The following DNAH5 variants were observed in gnomAD, a reference collection of about 807,000 sequenced individuals.
DNAH5 encodes the protein axonemal beta dynein heavy chain 5.
A neutral mutation model predicts 518.2 loss-of-function variants in DNAH5; 372 were observed. The ratio of observed to expected loss-of-function variants is 0.72; its 90% CI spans 0.66 to 0.78. DNAH5 has a LOEUF of 0.78. Among genes scored for constraint, DNAH5 ranks in the 30% least tolerant of loss-of-function variants. DNAH5 has a pLI of 0.00. For synonymous variants in DNAH5, 2,039 were observed against 2,025.9 expected (o/e 1.01, Z -0.17); for missense variants, 5,523 against 5,687.0 (o/e 0.97, Z 0.93).
intron 41 of DNAH5, 51 bp from the exon 42 acceptor site, chr5:13,817,745 T>C (rs758106076): frequency 1.9e-6 from 3 of 1,581,980 alleles, no homozygotes; most frequent in Admixed American, 1.7e-5. Context: ...AAGTGAACCA[T>C]CATTAAGCAA....
At chr5:13,925,592 A>G (rs1485267180) in intron 3 of DNAH5, among the ~76,000 whole-genome samples, 2 of 152,148 alleles carry the variant, frequency 1.3e-5, no homozygotes, top group Non-Finnish European at 2.9e-5. Flanking sequence ...AAGAGAGGAT[A>G]AGACCCAAGG....
At chr5:13,984,491 T>C (rs1170094829) in intron 1 of DNAH5, among the ~76,000 whole-genome samples, 2 of 152,196 alleles carry the variant, frequency 1.3e-5, no homozygotes, top group African/African-American at 4.8e-5. Context: ...CAATTTGACT[T>C]CCTCTTTTCT....
chr5:13,790,751 T>A (rs1396257782), intron 50 of DNAH5, among the ~76,000 whole-genome samples: 2 of 152,186 alleles, frequency 1.3e-5, no homozygotes, highest in Non-Finnish European at 2.9e-5. Flanking sequence ...CATGCTGAAC[T>A]GTGAGTCAAT....
At position 14,005,625 on chromosome 5, in the gene DNAH5, C is replaced by T. The variant is rs2152087132; in HGVS notation, c.12+6023G>A. Among the ~76,000 whole-genome samples the T allele has an allele frequency of 4.6e-5, 7 of 152,294 alleles. 2 individuals are homozygous for T. The highest frequency in any genetic ancestry group is 4.6e-4 in the Admixed American group (7 of 15,294). ...CCTGAATGTGTTCCTTTTAAGTCAT[C>T]GTTGCACAATCGATAAGTTTTGGTA... On this transcript the variant is annotated intron_variant, in intron 1 of 78. Transcript: ENST00000681290.
chr5:13,986,625 C>T (rs1269420027), intron 1 of DNAH5, among the ~76,000 whole-genome samples: 2 of 152,048 alleles, frequency 1.3e-5, no homozygotes, highest in Non-Finnish European at 1.5e-5. Context: ...GAGATGAGAG[C>T]CCTAGGTTAC....
chr5:13,766,204 C>A lies in DNAH5; in HGVS notation c.9898-25G>T, dbSNP rs764004764. 4 of 1,613,048 alleles carry A rather than the reference C, an allele frequency of 2.5e-6. No homozygotes were observed. The South Asian group carries it at 4.4e-5, about 18-fold the overall frequency. On this transcript the variant is annotated intron_variant, in intron 58 of 78. Coordinates refer to ENST00000265104, the MANE Select transcript of DNAH5 (RefSeq NM_001369.3). ...TCTGGGGGATGAAAGGAACGATCAC[C>A]CAACCACAGATAGGAAAGCACAGAC...
At position 13,809,048 on chromosome 5, in the gene DNAH5, C is replaced by A. The variant is rs2127006063; in HGVS notation, c.7748G>T (p.Gly2583Val). The part of the protein sequence containing the change: ...DFLIQTIAKQ[G>V]KAVLLIGEQG... The stretch of plus-strand genomic sequence containing the variant: ...AATAAAAATTAAAAGTCATACCTTG[C>A]CCTGTTTAGCAATGGTTTGAATTAG... The change falls in exon 46 of 79, where the codon GGC (glycine) becomes GTC (valine). Residue 2583 changes from glycine (G) to valine (V), a missense_variant. By Grantham distance (109) the Gly-to-Val change is moderately radical. This residue lies in a region of DNAH5 where 5,121 missense variants were observed against 5,223.3 expected (regional missense o/e 0.98). Transcript: ENST00000265104. 1.2e-6 allele frequency: 2 copies of A among 1,614,136 alleles called. No individual in the cohort carries two copies. Among genetic ancestry groups the A allele is most frequent in the East Asian group, 2.2e-5 (1 of 44,880 alleles).
intron 78 of DNAH5, 90 bp downstream of exon 78, chr5:13,700,550 T>C: frequency 7.8e-7 from 1 of 1,288,980 alleles, no homozygotes; most frequent in Non-Finnish European, 1.1e-6. Flanking sequence ...AAATCTCTAC[T>C]ACATGATAAC....
intron 53 of DNAH5, among the ~76,000 whole-genome samples, chr5:13,778,109 T>C (rs2126818226): frequency 6.6e-6 from 1 of 152,274 alleles, no homozygotes; most frequent in East Asian, 1.9e-4. Flanking sequence ...AACTCAGAAT[T>C]CAGGGTGCAA....
chr5:13,997,741 C>A (rs1471527177), intron 1 of DNAH5, among the ~76,000 whole-genome samples: 1 of 152,180 alleles, frequency 6.6e-6, no homozygotes, highest in African/African-American at 2.4e-5. Flanking sequence ...TACAGCAGCA[C>A]CCCACTTCTG....
rs6868111 is a variant in DNAH5, at chr5:13,994,051, C to T, written c.12+17597G>A. Among the ~76,000 whole-genome samples, 359 of 152,158 alleles carry T rather than the reference C, an allele frequency of 2.4e-3. 14 individuals carry two copies. The South Asian group carries it at 0.066, about 28-fold the overall frequency. The stretch of plus-strand genomic sequence containing the variant: ...ATGCCTGCTGTCAGGCCGTCCTCTG[C>T]TCACCTCTGACCCGGGGGATCTTCC... On this transcript the variant is annotated intron_variant, in intron 1 of 78. Coordinates refer to the DNAH5 transcript ENST00000681290.
At position 13,913,929 on chromosome 5, in the gene DNAH5, T is replaced by C. The variant is rs1303164666; in HGVS notation, c.1350A>G (p.Lys450=). 2 of 1,613,266 alleles carry C rather than the reference T, an allele frequency of 1.2e-6. No homozygotes were observed. Residue 450 remains lysine, a synonymous_variant, in exon 11 of 79, where the codon AAA becomes AAG. Coordinates refer to ENST00000265104, the MANE Select transcript of DNAH5 (RefSeq NM_001369.3). The part of the protein sequence containing the change: ...QEYQLCFHKT[K]QKLKQNPNAK... Reference sequence around the variant, plus strand: ...CATTTGGATTTTGTTTAAGCTTTTGTTTTGTCTTGTGAAAGCAGAGCTGGT... The same window carrying C: ...CATTTGGATTTTGTTTAAGCTTTTGCTTTGTCTTGTGAAAGCAGAGCTGGT...
At chr5:13,729,137 A>C (rs536078964) in intron 69 of DNAH5, among the ~76,000 whole-genome samples, 16 of 152,344 alleles carry the variant, frequency 1.1e-4, no homozygotes, top group African/African-American at 2.6e-4. Context: ...CTAATTATTT[A>C]ATCTAATTGG....
chr5:13,859,331 C>CA, intron 30 of DNAH5, 121 bp downstream of exon 30: 2 of 1,091,280 alleles, frequency 1.8e-6, no homozygotes, highest in Non-Finnish European at 2.8e-6. Flanking sequence ...ACAGTGACAA[C>CA]AAAAAGATTG....
intron 1 of DNAH5, among the ~76,000 whole-genome samples, chr5:13,975,916 A>G (rs144374940): frequency 9.8e-5 from 15 of 152,332 alleles, no homozygotes; most frequent in African/African-American, 2.4e-4. Context: ...CATGCCTGTA[A>G]TCCCAGCACT....
At chr5:13,957,758 A>T (rs962086927) in intron 1 of DNAH5, among the ~76,000 whole-genome samples, 3 of 151,694 alleles carry the variant, frequency 2.0e-5, no homozygotes, top group African/African-American at 7.2e-5. Flanking sequence ...AAAATGTAAC[A>T]TCATCTTTTC....
At chr5:13,899,529 T>C (rs575954120) in intron 15 of DNAH5, 2 of 152,488 alleles carry the variant, frequency 1.3e-5, no homozygotes, top group East Asian at 3.9e-4. Flanking sequence ...CACTTGGCTG[T>C]CTAAAAACTA....
rs375355679 is a variant in DNAH5, at chr5:13,943,016, C to T, written c.57+1366G>A. ...AGGTAATTCTGTTAATATTATACTTCAGTGGAGTGAACCAAACCAGCATCC... is the reference window on the plus strand; with the variant it reads ...AGGTAATTCTGTTAATATTATACTTTAGTGGAGTGAACCAAACCAGCATCC... On this transcript the variant is annotated intron_variant, in intron 1 of 78. Transcript: ENST00000265104. Among the ~76,000 whole-genome samples, 11 of 152,240 alleles carry T rather than the reference C, an allele frequency of 7.2e-5. No homozygotes were observed. The East Asian group carries it at 2.1e-3, about 29-fold the overall frequency.
intron 58 of DNAH5, among the ~76,000 whole-genome samples, chr5:13,767,790 T>C (rs933416246): frequency 6.6e-5 from 10 of 152,252 alleles, no homozygotes; most frequent in African/African-American, 1.9e-4. Flanking sequence ...ATGACTGTTA[T>C]ATAATCTCCT....
Sources: allele counts gnomAD v4.1 joint callset (sites outside exome capture counted in the v4.1 genomes callset), GRCh38; gene constraint gnomAD v4.1.1; regional missense constraint gnomAD v4.1.1; transcripts MANE v1.5; gene names NCBI Gene and HGNC (gene_info 2026-07-23, HGNC 2026-07-21).